SRGAP1: variants seen among roughly 807,000 people sequenced by gnomAD.
SRGAP1 encodes SLIT-ROBO Rho GTPase activating protein 1, also known as SLIT-ROBO Rho GTPase-activating protein 1.
SRGAP1 carries 43 observed loss-of-function variants against 121.9 expected under a neutral mutation model. The observed-to-expected ratio is 0.35, with a 90% confidence interval of 0.28 to 0.46. The LOEUF (loss-of-function observed/expected upper bound fraction) is 0.46, where lower values mean the gene tolerates loss of function less well. Among genes scored for constraint, SRGAP1 ranks in the 20% least tolerant of loss-of-function variants. The probability of loss-of-function intolerance (pLI) is 1.00; values close to 1 mark genes in which losing one functional copy is unlikely to be tolerated. For missense variants in SRGAP1, 1,102 were observed against 1,350.9 expected (o/e 0.82, Z 2.89); for synonymous variants, 447 against 485.4 (o/e 0.92, Z 1.04).
intron 4 of SRGAP1, chr12:64,032,510 G>C: frequency 8.4e-7 from 1 of 1,195,118 alleles, no homozygotes; most frequent in Non-Finnish European, 1.2e-6. Context: ...GCCAGGCATG[G>C]AGCAGGCCTG....
chr12:63,986,173 CCTTTCTCTCTTCTCTCT>C (rs1216622378), intron 2 of SRGAP1, among the ~76,000 whole-genome samples: 1 of 151,240 alleles, frequency 6.6e-6, no homozygotes, highest in Non-Finnish European at 1.5e-5. Flanking sequence ...TCTTCCTCTC[CCTTTCTCTCTTCTCTCT>C]CTTTCTCTCT....
intron 1 of SRGAP1, among the ~76,000 whole-genome samples, chr12:63,895,599 T>G (rs909560284): frequency 6.6e-6 from 1 of 152,186 alleles, no homozygotes; most frequent in Admixed American, 6.5e-5. Flanking sequence ...GAATTTGAAC[T>G]CCACATTCAC....
chr12:63,984,152 T>C lies in SRGAP1; in HGVS notation c.263+10T>C. Reference sequence around the variant, plus strand: ...ATCATCAACAATACAAGTAAGAGATTTGAATCTAATTCACCTTTCCAAGGG... The same window carrying C: ...ATCATCAACAATACAAGTAAGAGATCTGAATCTAATTCACCTTTCCAAGGG... On this transcript the variant is annotated intron_variant, in intron 2 of 21. Transcript: ENST00000355086. 1 of 1,408,082 alleles carries C rather than the reference T, an allele frequency of 7.1e-7. No individual in the cohort carries two copies. Among genetic ancestry groups the C allele is most frequent in the Non-Finnish European group, 9.5e-7 (1 of 1,052,118 alleles). The allele number at this position is 1,408,082 out of a possible 1,614,324, so 87.2% of individuals were successfully genotyped here. A position where few individuals can be genotyped will look rare whatever the true frequency, so the allele number is the denominator to read the frequency against.
In SRGAP1 at chr12:64,150,958, A is replaced by AAAAAAAAAAAAAAAAC; in HGVS notation, c.*8288_*8289insAAAAAAAAAAAAACAA. On this transcript the variant is annotated 3_prime_UTR_variant, in exon 22 of 22. Coordinates refer to ENST00000355086, the MANE Select transcript of SRGAP1 (RefSeq NM_020762.4). The stretch of plus-strand genomic sequence containing the variant: ...TCAAAAAAAAAAAAAAAAAAAAAAA[A>AAAAAAAAAAAAAAAAC]AACATGGTCAAGATTTGTAATAGAA... 6.8e-6 allele frequency: 1 copy of AAAAAAAAAAAAAAAAC among 147,996 alleles called. No homozygotes were observed. Among genetic ancestry groups the AAAAAAAAAAAAAAAAC allele is most frequent in the African/African-American group, 2.5e-5 (1 of 39,556 alleles). 9.2% of individuals were successfully genotyped at this position (147,996 alleles called of 1,614,324 possible). A position where few individuals can be genotyped will look rare whatever the true frequency, so the allele number is the denominator to read the frequency against.
intron 1 of SRGAP1, among the ~76,000 whole-genome samples, chr12:63,884,831 T>C (rs1022626247): frequency 2.0e-5 from 3 of 151,012 alleles, no homozygotes; most frequent in African/African-American, 7.3e-5. Flanking sequence ...GCCATTCTCC[T>C]GCCTCAGCCT....
chr12:63,915,164 A>C (rs2030719797), intron 1 of SRGAP1, among the ~76,000 whole-genome samples: 1 of 152,238 alleles, frequency 6.6e-6, no homozygotes, highest in African/African-American at 2.4e-5. Context: ...AAGTTGCATA[A>C]ATTTAAAAAT....
chr12:64,009,784 G>A (rs999136982), intron 3 of SRGAP1, among the ~76,000 whole-genome samples: 1 of 152,146 alleles, frequency 6.6e-6, no homozygotes, highest in African/African-American at 2.4e-5. Context: ...TTAGGGTAAA[G>A]TAGATCATGA....
chr12:63,995,112 G>GT (rs747197219), intron 3 of SRGAP1, among the ~76,000 whole-genome samples: 37 of 152,206 alleles, frequency 2.4e-4, no homozygotes, highest in Non-Finnish European at 4.3e-4. Flanking sequence ...AATATGTTAG[G>GT]TTATCTCTAT....
At chr12:64,000,484 G>A (rs963562754) in intron 3 of SRGAP1, among the ~76,000 whole-genome samples, 1 of 152,042 alleles carries the variant, frequency 6.6e-6, no homozygotes, top group Admixed American at 6.6e-5. Flanking sequence ...ATGACGATGT[G>A]CACCTCTACT....
chr12:63,958,417 C>T (rs762258143), intron 1 of SRGAP1, among the ~76,000 whole-genome samples: 3 of 152,204 alleles, frequency 2.0e-5, no homozygotes, highest in Non-Finnish European at 4.4e-5. Context: ...CTGTGTCCCA[C>T]ACTTGCTACT....
rs12315348 is a variant in SRGAP1, at chr12:63,868,075, T to A, written c.67+23192T>A. Among the ~76,000 whole-genome samples, 6 of 97,036 alleles carry A rather than the reference T, an allele frequency of 6.2e-5. No individual in the cohort carries two copies. The East Asian group carries it at 2.6e-3, about 42-fold the overall frequency. The allele number at this position is 97,036 out of a possible 152,430, so 63.7% of individuals were successfully genotyped here. ...ATATATATTTTTTTTTTTTTTTTTT[T>A]TTTGTTTTTTTTTTTTTGTTTTTTG... is the stretch of plus-strand genomic sequence containing the variant. On this transcript the variant is annotated intron_variant, in intron 1 of 21. Coordinates refer to ENST00000355086, the MANE Select transcript of SRGAP1 (RefSeq NM_020762.4).
chr12:64,063,493 C>T (rs1274708144), intron 7 of SRGAP1, among the ~76,000 whole-genome samples: 1 of 151,844 alleles, frequency 6.6e-6, no homozygotes, highest in African/African-American at 2.4e-5. Flanking sequence ...TTTAAAGATT[C>T]TCATAAAGAA....
chr12:64,152,772 G>C lies in SRGAP1; in HGVS notation c.*10100G>C, dbSNP rs925543775. ...CAAAATGGTTACATCCTTCATGAAG[G>C]GTTCCCCAAACCTCCCAGCTGGCAT... On this transcript the variant is annotated 3_prime_UTR_variant, in exon 22 of 22. Transcript: ENST00000355086. The C allele has an allele frequency of 8.6e-5, 13 of 151,844 alleles. No homozygotes were observed. The highest frequency in any genetic ancestry group is 2.9e-4 in the African/African-American group (12 of 41,322). 9.4% of individuals were successfully genotyped at this position (151,844 alleles called of 1,614,324 possible). A position where few individuals can be genotyped will look rare whatever the true frequency, so the allele number is the denominator to read the frequency against.
chr12:64,101,459 T>C (rs1386878680), intron 15 of SRGAP1, among the ~76,000 whole-genome samples: 1 of 152,160 alleles, frequency 6.6e-6, no homozygotes, highest in Non-Finnish European at 1.5e-5. Context: ...GCATTCTTTT[T>C]TTAAAAATAT....
At chr12:64,130,601 A>G (rs939490469) in intron 21 of SRGAP1, among the ~76,000 whole-genome samples, 2 of 152,166 alleles carry the variant, frequency 1.3e-5, no homozygotes, top group Admixed American at 6.5e-5. Context: ...TGGTGTTGCA[A>G]TTGTGACATC....
At chr12:63,891,977 C>A in intron 1 of SRGAP1, among the ~76,000 whole-genome samples, 2 of 95,420 alleles carry the variant, frequency 2.1e-5, no homozygotes, top group Non-Finnish European at 3.9e-5. Flanking sequence ...CAGAGCAAGA[C>A]TGTCTCAAAA....
intron 3 of SRGAP1, among the ~76,000 whole-genome samples, chr12:64,015,562 C>T (rs1273004264): frequency 6.6e-6 from 1 of 152,198 alleles, no homozygotes; most frequent in Admixed American, 6.5e-5. Flanking sequence ...TGCTCTGATG[C>T]CATCTTCCCA....
At chr12:64,107,863 T>C (rs1005920212) in intron 15 of SRGAP1, among the ~76,000 whole-genome samples, 6 of 152,224 alleles carry the variant, frequency 3.9e-5, no homozygotes, top group African/African-American at 7.2e-5. Context: ...AGTTGTACTT[T>C]GTAAAGGTAC....
chr12:63,945,365 A>G (rs1000759343), intron 1 of SRGAP1, among the ~76,000 whole-genome samples: 1 of 151,704 alleles, frequency 6.6e-6, no homozygotes, highest in Non-Finnish European at 1.5e-5. Flanking sequence ...TGCTGCACCC[A>G]TCAACCCGTC....
Sources: allele counts gnomAD v4.1 joint callset (sites outside exome capture counted in the v4.1 genomes callset), GRCh38; gene constraint gnomAD v4.1.1; transcripts MANE v1.5; gene names NCBI Gene and HGNC (gene_info 2026-07-23, HGNC 2026-07-21).